Variants in IL1RAPL2 observed in about 807,000 individuals in gnomAD.
The protein encoded by IL1RAPL2 is X-linked interleukin-1 receptor accessory protein-like 2.
A neutral mutation model predicts 44.1 loss-of-function variants in IL1RAPL2; 3 were observed. That is an observed-to-expected ratio of 0.07 (90% CI 0.03 to 0.18). The LOEUF (loss-of-function observed/expected upper bound fraction) is 0.18. Among genes scored for constraint, IL1RAPL2 ranks in the 10% least tolerant of loss-of-function variants. IL1RAPL2 has a pLI of 1.00. For synonymous variants in IL1RAPL2, 181 were observed against 178.8 expected, an observed-to-expected ratio of 1.01 and a Z score of -0.10; for missense variants, 391 against 496.4, an observed-to-expected ratio of 0.79 and a Z score of 2.02.
chrX:104,903,472 TC>T lies in IL1RAPL2; in HGVS notation c.82+244478del, dbSNP rs775008714. ...AAAAAAAAAAATGTAAAGAATAAACTCTCTTGGGAGCTGTTTGAGCTGGCTT... is the reference window on the plus strand; with the variant it reads ...AAAAAAAAAAATGTAAAGAATAAACTTCTTGGGAGCTGTTTGAGCTGGCTT... On this transcript the variant is annotated intron_variant, in intron 2 of 10. Coordinates refer to ENST00000372582, the MANE Select transcript of IL1RAPL2 (RefSeq NM_017416.2). 1.5e-3 allele frequency among the ~76,000 whole-genome samples: 164 copies of T among 111,544 alleles called. 1 individual carries two copies. The highest frequency in any genetic ancestry group is 4.9e-3 in the African/African-American group (152 of 30,749).
rs781497976 is a variant in IL1RAPL2, at chrX:104,792,704, TCCTG to T, written c.82+133711_82+133714del. Among the ~76,000 whole-genome samples, 23 of 110,473 alleles carry T rather than the reference TCCTG, an allele frequency of 2.1e-4. No individual in the cohort carries two copies. In the East Asian group the frequency reaches 6.5e-3, roughly 31 times the overall value. On this transcript the variant is annotated intron_variant, in intron 2 of 10. Coordinates refer to ENST00000372582, the MANE Select transcript of IL1RAPL2 (RefSeq NM_017416.2). Reference sequence around the variant, plus strand: ...ACAGTTGTGGAGGTTCAGCAAAGAGTCCTGCAGTTATTAGAATAAAACTGATGAT... The same window carrying T: ...ACAGTTGTGGAGGTTCAGCAAAGAGTCAGTTATTAGAATAAAACTGATGAT...
chrX:104,573,081 A>G (rs1055801694), intron 1 of IL1RAPL2, among the ~76,000 whole-genome samples: 7 of 112,273 alleles, frequency 6.2e-5, no homozygotes, highest in African/African-American at 2.3e-4. Flanking sequence ...CATCTGTTAC[A>G]TACTTATTTA....
rs746772270 is a variant in IL1RAPL2, at chrX:104,988,301, T to C, written c.83-207174T>C. Among the ~76,000 whole-genome samples the C allele has an allele frequency of 6.2e-5, 7 of 112,486 alleles. No individual in the cohort carries two copies. In the East Asian group the frequency reaches 1.4e-3, roughly 23 times the overall value. On this transcript the variant is annotated intron_variant, in intron 2 of 10. Transcript: ENST00000372582. The stretch of plus-strand genomic sequence containing the variant: ...ACATAGCAATTTAAGGTTGGTCTAA[T>C]TGACAAAGGTTAAATTTTCTACTTG...
chrX:105,505,225 A>G (rs986864477), intron 6 of IL1RAPL2, among the ~76,000 whole-genome samples: 1 of 111,909 alleles, frequency 8.9e-6, no homozygotes, highest in African/African-American at 3.2e-5. Flanking sequence ...AACTGATTTA[A>G]CAAACACTTA....
intron 5 of IL1RAPL2, among the ~76,000 whole-genome samples, chrX:105,422,240 G>A (rs2035778451): frequency 8.9e-6 from 1 of 111,772 alleles, no homozygotes; most frequent in Non-Finnish European, 1.9e-5. Context: ...CTATGATTTG[G>A]GTGAATTCCT....
At chrX:104,837,871 C>T (rs899079344) in intron 2 of IL1RAPL2, among the ~76,000 whole-genome samples, 2 of 111,782 alleles carry the variant, frequency 1.8e-5, no homozygotes, top group African/African-American at 3.3e-5. Flanking sequence ...GTTTTACATT[C>T]AAGTCCTTAA....
intron 2 of IL1RAPL2, among the ~76,000 whole-genome samples, chrX:105,033,847 A>T (rs1165231434): frequency 9.1e-6 from 1 of 109,554 alleles, no homozygotes; most frequent in East Asian, 2.9e-4. Flanking sequence ...TCTCCCCATC[A>T]CTTTCAGGTA....
intron 5 of IL1RAPL2, among the ~76,000 whole-genome samples, chrX:105,279,347 G>A (rs941268512): frequency 6.3e-5 from 7 of 111,924 alleles, no homozygotes; most frequent in Admixed American, 2.8e-4. Flanking sequence ...AATGATAATG[G>A]TGGAATAAAG....
At chrX:105,739,938 T>C (rs1254999704) in intron 7 of IL1RAPL2, among the ~76,000 whole-genome samples, 2 of 101,977 alleles carry the variant, frequency 2.0e-5, no homozygotes, top group Non-Finnish European at 4.0e-5. Flanking sequence ...ACTTCCACAA[T>C]GGTTGAACTA....
intron 6 of IL1RAPL2, among the ~76,000 whole-genome samples, chrX:105,673,952 C>A (rs1325795849): frequency 9.0e-6 from 1 of 111,709 alleles, no homozygotes; most frequent in African/African-American, 3.3e-5. Flanking sequence ...TGTTTGTGGG[C>A]TGTATGAATG....
intron 2 of IL1RAPL2, among the ~76,000 whole-genome samples, chrX:104,914,695 T>C (rs973848731): frequency 9.0e-6 from 1 of 110,737 alleles, no homozygotes; most frequent in African/African-American, 3.3e-5. Context: ...TAGGTATATC[T>C]CCTAAAGCTA....
chrX:104,581,701 A>G (rs1928349078), intron 1 of IL1RAPL2, among the ~76,000 whole-genome samples: 1 of 111,167 alleles, frequency 9.0e-6, no homozygotes, highest in African/African-American at 3.3e-5. Context: ...CATTAAATAA[A>G]CATCCACTAA....
At chrX:104,778,207 G>T (rs1304470163) in intron 2 of IL1RAPL2, among the ~76,000 whole-genome samples, 1 of 110,103 alleles carries the variant, frequency 9.1e-6, no homozygotes, top group Non-Finnish European at 1.9e-5. Context: ...GATTTTTGTT[G>T]TTGAGTTAGA....
intron 2 of IL1RAPL2, among the ~76,000 whole-genome samples, chrX:104,988,051 T>G (rs1291011250): frequency 1.8e-5 from 2 of 112,376 alleles, no homozygotes; most frequent in Non-Finnish European, 3.8e-5. Flanking sequence ...GGAAAGTGAT[T>G]TGTATTCTTT....
chrX:105,342,749 C>T (rs964140581), intron 5 of IL1RAPL2, among the ~76,000 whole-genome samples: 4 of 111,807 alleles, frequency 3.6e-5, no homozygotes, highest in South Asian at 3.7e-4. Flanking sequence ...AAGGTTAAAC[C>T]TGTTTATTAT....
At chrX:105,048,911 ACTTAATGC>A (rs1415725604) in intron 2 of IL1RAPL2, among the ~76,000 whole-genome samples, 1 of 112,284 alleles carries the variant, frequency 8.9e-6, no homozygotes, top group Non-Finnish European at 1.9e-5. Context: ...AGATTTACAG[ACTTAATGC>A]CTTTATCTTC....
At chrX:104,867,376 G>C (rs888809793) in intron 2 of IL1RAPL2, among the ~76,000 whole-genome samples, 8 of 111,638 alleles carry the variant, frequency 7.2e-5, no homozygotes, top group African/African-American at 2.6e-4. Flanking sequence ...AGCAGAATGA[G>C]TAGCATCTAA....
chrX:105,614,193 AAAG>A (rs1039372804), intron 6 of IL1RAPL2, among the ~76,000 whole-genome samples: 9 of 112,112 alleles, frequency 8.0e-5, no homozygotes, highest in Admixed American at 2.8e-4. Flanking sequence ...ACACACAAAA[AAAG>A]AAGGATATTC....
chrX:105,056,452 AAAAT>A (rs1372381639), intron 2 of IL1RAPL2, among the ~76,000 whole-genome samples: 15 of 112,141 alleles, frequency 1.3e-4, no homozygotes, highest in African/African-American at 4.9e-4. Flanking sequence ...CTGGTTTAAA[AAAAT>A]AAGCATCTTA....
Sources: allele counts gnomAD v4.1 joint callset (sites outside exome capture counted in the v4.1 genomes callset), GRCh38; gene constraint gnomAD v4.1.1; transcripts MANE v1.5; gene names NCBI Gene and HGNC (gene_info 2026-07-23, HGNC 2026-07-21).